The following STRN3 variants were observed in gnomAD, a reference collection of about 807,000 sequenced individuals.
STRN3 encodes the protein striatin-3.
STRN3 carries 29 observed loss-of-function variants against 95.6 expected under a neutral mutation model. The observed-to-expected ratio is 0.30, with a 90% confidence interval of 0.23 to 0.41. The LOEUF (loss-of-function observed/expected upper bound fraction) is 0.41, where lower values mean the gene tolerates loss of function less well. Among genes scored for constraint, STRN3 ranks in the 10% least tolerant of loss-of-function variants. The pLI, the probability that STRN3 is intolerant of heterozygous loss-of-function variation, is 1.00. For missense variants in STRN3, 890 were observed against 972.1 expected (o/e 0.92, Z 1.12); for synonymous variants, 331 against 357.6 (o/e 0.93, Z 0.84).
At chr14:30,925,108 T>TAC (rs1896990370) in intron 8 of STRN3, among the ~76,000 whole-genome samples, 1 of 151,958 alleles carries the variant, frequency 6.6e-6, no homozygotes, top group Non-Finnish European at 1.5e-5. Context: ...AGAGTACTAA[T>TAC]AAGATAAAGT....
intron 1 of STRN3, among the ~76,000 whole-genome samples, chr14:30,971,944 T>G (rs1307489277): frequency 1.3e-5 from 2 of 152,036 alleles, no homozygotes; most frequent in African/African-American, 4.8e-5. Flanking sequence ...CTCCACCTTA[T>G]CCAGAGAAGC....
intron 1 of STRN3, among the ~76,000 whole-genome samples, chr14:30,993,996 G>A (rs1882087232): frequency 6.6e-6 from 1 of 151,974 alleles, no homozygotes; most frequent in Non-Finnish European, 1.5e-5. Flanking sequence ...TCCTGCCTCA[G>A]CCTCCCAAGT....
chr14:30,929,697 C>T (rs1193417679), intron 7 of STRN3, among the ~76,000 whole-genome samples: 1 of 151,814 alleles, frequency 6.6e-6, no homozygotes, highest in Non-Finnish European at 1.5e-5. Context: ...GCGAACTACT[C>T]GGAAAAGTGC....
At chr14:30,924,526 A>C (rs545496067) in intron 8 of STRN3, among the ~76,000 whole-genome samples, 7 of 152,014 alleles carry the variant, frequency 4.6e-5, no homozygotes, top group Admixed American at 1.3e-4. Flanking sequence ...TCTTGACCTC[A>C]GGTGATCTGC....
rs1297378186 is a variant in STRN3 at position 30,905,407 on chromosome 14, T to C, written c.2029+11A>G. The stretch of plus-strand genomic sequence containing the variant: ...TTTTTAAGGTTTCAAAGAAACTCCA[T>C]GAAAACTTACCAGAATCTACCTGTG... On this transcript the variant is annotated intron_variant, in intron 15 of 17. Transcript: ENST00000357479. The C allele has an allele frequency of 6.3e-7, 1 of 1,588,686 alleles. No homozygotes were observed.
chr14:31,022,034 G>A (rs576956149), intron 1 of STRN3, among the ~76,000 whole-genome samples: 4 of 152,214 alleles, frequency 2.6e-5, no homozygotes, highest in African/African-American at 9.6e-5. Flanking sequence ...ATGCCTAACA[G>A]TAAAAATGTA....
intron 16 of STRN3, among the ~76,000 whole-genome samples, chr14:30,897,296 T>A (rs377427789): frequency 2.0e-5 from 3 of 151,962 alleles, no homozygotes; most frequent in Non-Finnish European, 4.4e-5. Flanking sequence ...TAAAAAGTAA[T>A]ATAGTAGGCC....
rs11477309 is a variant in STRN3, at chr14:30,948,062, G to GA, written c.543-800dup. 5.5e-3 allele frequency among the ~76,000 whole-genome samples: 828 copies of GA among 151,784 alleles called. 10 individuals carry two copies. Among genetic ancestry groups the GA allele is most frequent in the African/African-American group, 0.019 (779 of 41,406 alleles). The stretch of plus-strand genomic sequence containing the variant: ...AGTAAAAATGGAGGAGAATAAATGT[G>GA]AAAAAAAATAAGCAAGATACAATCT... On this transcript the variant is annotated intron_variant, in intron 4 of 17. Coordinates refer to ENST00000357479, the MANE Select transcript of STRN3 (RefSeq NM_001083893.2).
At chr14:30,937,120 C>T (rs754198300) in intron 5 of STRN3, among the ~76,000 whole-genome samples, 29 of 151,934 alleles carry the variant, frequency 1.9e-4, no homozygotes, top group Non-Finnish European at 4.0e-4. Flanking sequence ...TAGAGTTCAA[C>T]ACCATCCTGG....
intron 7 of STRN3, among the ~76,000 whole-genome samples, chr14:30,929,972 A>C (rs1043731462): frequency 2.0e-5 from 3 of 149,612 alleles, no homozygotes; most frequent in Non-Finnish European, 3.0e-5. Context: ...AAAAAAAAAA[A>C]AAAAAAACTC....
chr14:30,905,219 CAT>C (rs1896429786), intron 15 of STRN3, among the ~76,000 whole-genome samples, 197 bp downstream of exon 15: 1 of 152,056 alleles, frequency 6.6e-6, no homozygotes, highest in African/African-American at 2.4e-5. Flanking sequence ...CCTCTTTTCC[CAT>C]ATGTCCACCC....
chr14:30,914,221 T>C (rs1249919317), intron 9 of STRN3, among the ~76,000 whole-genome samples: 1 of 152,240 alleles, frequency 6.6e-6, no homozygotes, highest in Non-Finnish European at 1.5e-5. Context: ...ATCAGTTCAC[T>C]AGAATGAAGC....
At chr14:30,924,218 A>AC (rs1454344799) in intron 8 of STRN3, among the ~76,000 whole-genome samples, 1 of 71,376 alleles carries the variant, frequency 1.4e-5, no homozygotes, top group South Asian at 5.6e-4. Flanking sequence ...TACTCAAAAA[A>AC]AAAAAAACAA....
intron 1 of STRN3, among the ~76,000 whole-genome samples, chr14:31,010,062 G>A (rs1299877083): frequency 2.0e-5 from 3 of 152,090 alleles, no homozygotes. Context: ...ATGATTGATA[G>A]CATCACTGAA....
At chr14:31,014,839 C>G (rs1475195036) in intron 1 of STRN3, 2 of 410,010 alleles carry the variant, frequency 4.9e-6, no homozygotes, top group Non-Finnish European at 9.4e-6. Context: ...AACAGGGTCT[C>G]ACTCTGTTGC....
In STRN3 at chr14:31,003,351, A is replaced by G. The variant is rs7143809; in HGVS notation, c.282+22553T>C. Among the ~76,000 whole-genome samples, 772 of 149,930 alleles carry G rather than the reference A, an allele frequency of 5.1e-3. 3 individuals are homozygous for G. Among genetic ancestry groups the G allele is most frequent in the African/African-American group, 0.018 (716 of 40,756 alleles). ...TGTATTTTACAATTTAAAAATTGGAAAAAAAAAAAACAAACAACTCAAGCT... is the reference window on the plus strand; with the variant it reads ...TGTATTTTACAATTTAAAAATTGGAGAAAAAAAAAACAAACAACTCAAGCT... On this transcript the variant is annotated intron_variant, in intron 1 of 17. Coordinates refer to ENST00000357479, the MANE Select transcript of STRN3 (RefSeq NM_001083893.2).
In STRN3 at chr14:31,025,982, T is replaced by C. The variant is rs1181944319; in HGVS notation, c.204A>G (p.Ile68Met). ...CCCACTCGTGCTGGATGTAGTGCAG[T>C]ATCCCCGGGATAGTGTACTGCTGCG... ...SRPQQYTIPG[I>M]LHYIQHEWAR... The change falls in exon 1 of 18, where the codon ATA (isoleucine) becomes ATG (methionine). Residue 68 changes from isoleucine (I) to methionine (M), a missense_variant. Around this residue, in one of 3 missense-constraint regions of STRN3, gnomAD observed 526 missense variants for 526.3 expected, o/e 1.00. Transcript: ENST00000357479. 5 of 1,574,620 alleles carry C rather than the reference T, an allele frequency of 3.2e-6. No individual in the cohort carries two copies. Among genetic ancestry groups the C allele is most frequent in the Non-Finnish European group, 3.4e-6 (4 of 1,161,232 alleles).
In STRN3 at chr14:30,913,620, T is replaced by C; in HGVS notation, c.1278A>G (p.Ser426=). The change falls in exon 10 of 18, where the codon TCA becomes TCG. Residue 426 remains serine (S), a synonymous_variant. Transcript: ENST00000357479. ...PITFPSGGGK[S]FIMGSDDVLL... ...AAACATCATCAGAACCCATAATAAA[T>C]GACTTGCCTCCTCCAGATGGAAACG... The C allele has an allele frequency of 6.2e-7, 1 of 1,613,868 alleles. No individual in the cohort carries two copies. The highest frequency in any genetic ancestry group is 8.5e-7 in the Non-Finnish European group (1 of 1,179,884).
chr14:31,013,892 T>TATTATTATTATTATTTGAGACAGAGTGTC (rs1883106429), intron 1 of STRN3, among the ~76,000 whole-genome samples: 2 of 145,362 alleles, frequency 1.4e-5, no homozygotes, highest in African/African-American at 5.0e-5. Context: ...TTATTATTAT[T>TATTATTATTATTATTTGAGACAGAGTGTC]ATTATTATTA....
Sources: gnomAD v4.1 joint callset for allele counts (sites outside exome capture counted in the v4.1 genomes callset) on GRCh38, gnomAD v4.1.1 for gene constraint, gnomAD v4.1.1 regional missense constraint, MANE v1.5 for transcripts, NCBI Gene and HGNC (gene_info 2026-07-23, HGNC 2026-07-21) for gene names.